TPD52L1: variants seen among roughly 807,000 people sequenced by gnomAD.
TPD52L1 encodes tumor protein D53.
In TPD52L1, 18 loss-of-function variants were observed where a neutral mutation model predicts 28.7. The observed-to-expected ratio is 0.63, with a 90% CI of 0.43 to 0.93. The LOEUF (loss-of-function observed/expected upper bound fraction) is 0.93, where lower values mean the gene tolerates loss of function less well. TPD52L1 is among the 40% of genes least tolerant of loss of function. TPD52L1 has a pLI of 0.00. For synonymous variants in TPD52L1, 75 were observed against 88.8 expected (o/e 0.84, Z 0.88); for missense variants, 203 against 254.8 (o/e 0.80, Z 1.39).
intron 1 of TPD52L1, among the ~76,000 whole-genome samples, chr6:125,170,798 C>A (rs1791249867): frequency 6.6e-6 from 1 of 152,046 alleles, no homozygotes; most frequent in Admixed American, 6.5e-5. Flanking sequence ...TTTAGAGAGC[C>A]CCACTTTAGC....
At chr6:125,176,765 G>T (rs79129828) in intron 1 of TPD52L1, among the ~76,000 whole-genome samples, 1 of 152,166 alleles carries the variant, frequency 6.6e-6, no homozygotes, top group Non-Finnish European at 1.5e-5. Flanking sequence ...GCCTGATGTG[G>T]TGACTCACAC....
chr6:125,235,260 G>T lies in TPD52L1; in HGVS notation c.284+5994G>T, dbSNP rs895809614. On this transcript the variant is annotated intron_variant, in intron 3 of 6. Coordinates refer to ENST00000534000, the MANE Select transcript of TPD52L1 (RefSeq NM_003287.4). ...AAGTTCAATCAGGATGCAGCATAAG[G>T]TTACAGGGCCTGTGCAATACGTAAC... 4.6e-5 allele frequency among the ~76,000 whole-genome samples: 7 copies of T among 151,978 alleles called. No individual in the cohort carries two copies. The East Asian group carries it at 1.4e-3, about 29-fold the overall frequency.
At chr6:125,180,876 T>TG (rs1487298519) in intron 1 of TPD52L1, among the ~76,000 whole-genome samples, 1 of 152,178 alleles carries the variant, frequency 6.6e-6, no homozygotes, top group African/African-American at 2.4e-5. Flanking sequence ...CCAAATGACT[T>TG]GCTATTATCA....
intron 3 of TPD52L1, among the ~76,000 whole-genome samples, chr6:125,241,637 T>A (rs527967140): frequency 2.6e-5 from 4 of 152,012 alleles, no homozygotes; most frequent in Admixed American, 2.0e-4. Context: ...TAGCCTTGAA[T>A]GTTTGTATTT....
At chr6:125,252,859 A>G (rs2115048511) in intron 4 of TPD52L1, 1 of 152,232 alleles carries the variant, frequency 6.6e-6, no homozygotes, top group East Asian at 1.9e-4. Flanking sequence ...CCCTCAGTGG[A>G]TATTATGAGG....
At chr6:125,203,573 T>C (rs1793929788) in intron 1 of TPD52L1, 1 of 946,182 alleles carries the variant, frequency 1.1e-6, no homozygotes, top group South Asian at 4.9e-5. Context: ...TCATTGAAAG[T>C]AGAGCTGTTG....
chr6:125,239,127 G>A (rs1055267330), intron 3 of TPD52L1, among the ~76,000 whole-genome samples: 1 of 152,040 alleles, frequency 6.6e-6, no homozygotes, highest in Admixed American at 6.6e-5. Flanking sequence ...CCACATCAAC[G>A]CCAATGTCTA....
intron 1 of TPD52L1, among the ~76,000 whole-genome samples, chr6:125,158,569 AATGAGG>A (rs1362978989): frequency 8.7e-6 from 1 of 114,654 alleles, no homozygotes; most frequent in African/African-American, 5.2e-5. Context: ...AAAGAAAATA[AATGAGG>A]ATAAGAAGAG....
rs751443494 is a variant in TPD52L1, at chr6:125,262,923, A to G, written c.576A>G (p.Gly192=). 1.2e-6 allele frequency: 2 copies of G among 1,614,184 alleles called. No homozygotes were observed. Among genetic ancestry groups the G allele is most frequent in the Non-Finnish European group, 8.5e-7 (1 of 1,180,018 alleles). ...ATGCCAGTGCCCAGAGCTTGGCAGG[A>G]GGCTCCCGGCGGACCAAGGAGGAGG... ...TAHASAQSLA[G]GSRRTKEEEL... The change falls in exon 7 of 7, where the codon GGA becomes GGG. Residue 192 remains glycine, a synonymous_variant. Transcript: ENST00000534000.
chr6:125,204,440 T>G (rs1793980630), intron 1 of TPD52L1, among the ~76,000 whole-genome samples: 1 of 152,178 alleles, frequency 6.6e-6, no homozygotes, highest in South Asian at 2.1e-4. Flanking sequence ...TATTCAACAC[T>G]TTAAGAAGAA....
In TPD52L1 at chr6:125,264,273, A is replaced by T. The variant is rs971129311; in HGVS notation, c.*1311A>T. 1 of 152,246 alleles carries T rather than the reference A, an allele frequency of 6.6e-6. No individual in the cohort carries two copies. The highest frequency in any genetic ancestry group is 2.4e-5 in the African/African-American group (1 of 41,468). 9.4% of individuals were successfully genotyped at this position (152,246 alleles called of 1,614,324 possible). A position where few individuals can be genotyped will look rare whatever the true frequency, so the allele number is the denominator to read the frequency against. ...ACTGAATAGACATCCAACCTAAAAAAAATCACTATTTAAAAAGCCCATATA... is the reference window on the plus strand; with the variant it reads ...ACTGAATAGACATCCAACCTAAAAATAATCACTATTTAAAAAGCCCATATA... On this transcript the variant is annotated 3_prime_UTR_variant, in exon 7 of 7. Coordinates refer to ENST00000534000, the MANE Select transcript of TPD52L1 (RefSeq NM_003287.4).
intron 3 of TPD52L1, among the ~76,000 whole-genome samples, chr6:125,230,333 G>A (rs1438509645): frequency 6.6e-6 from 1 of 151,960 alleles, no homozygotes; most frequent in African/African-American, 2.4e-5. Flanking sequence ...TTTGTGTATT[G>A]GGGGTTAGGG....
At chr6:125,164,880 T>C (rs1790773026) in intron 1 of TPD52L1, among the ~76,000 whole-genome samples, 1 of 151,926 alleles carries the variant, frequency 6.6e-6, no homozygotes, top group Non-Finnish European at 1.5e-5. Context: ...ATGCTCTCCA[T>C]GCAGGCAGAG....
rs1446358338 is a variant in TPD52L1, at chr6:125,208,836, A to G, written c.20-11242A>G. 3 of 871,156 alleles carry G rather than the reference A, an allele frequency of 3.4e-6. No homozygotes were observed. In the African/African-American group the frequency reaches 5.5e-5, roughly 16 times the overall value. 54.0% of individuals were successfully genotyped at this position (871,156 alleles called of 1,614,324 possible). A position where few individuals can be genotyped will look rare whatever the true frequency, so the allele number is the denominator to read the frequency against. On this transcript the variant is annotated intron_variant, in intron 1 of 6. Coordinates refer to ENST00000534000, the MANE Select transcript of TPD52L1 (RefSeq NM_003287.4). ...TGCTGAGAGAGTGCTGTGTGGTGACAGCACTCCCAGGGAGAGTCTGGGTCC... is the reference window on the plus strand; with the variant it reads ...TGCTGAGAGAGTGCTGTGTGGTGACGGCACTCCCAGGGAGAGTCTGGGTCC...
chr6:125,226,284 C>G (rs1276434092), intron 2 of TPD52L1, among the ~76,000 whole-genome samples: 2 of 152,180 alleles, frequency 1.3e-5, no homozygotes, highest in Admixed American at 6.6e-5. Flanking sequence ...TTAGAGGTCT[C>G]TTCCCCATAT....
At chr6:125,164,000 T>C (rs544007665) in intron 1 of TPD52L1, among the ~76,000 whole-genome samples, 2 of 151,820 alleles carry the variant, frequency 1.3e-5, no homozygotes, top group Admixed American at 6.6e-5. Flanking sequence ...GTTTTACAGA[T>C]GATGAAACTG....
At chr6:125,216,527 G>GTATATA (rs1331931374) in intron 1 of TPD52L1, among the ~76,000 whole-genome samples, 5 of 40,174 alleles carry the variant, frequency 1.2e-4, no homozygotes, top group African/African-American at 2.8e-4. Flanking sequence ...CAGTATGTGT[G>GTATATA]TGTATATATA....
intron 1 of TPD52L1, among the ~76,000 whole-genome samples, chr6:125,200,298 C>T (rs937928634): frequency 6.6e-6 from 1 of 152,120 alleles, no homozygotes; most frequent in Non-Finnish European, 1.5e-5. Flanking sequence ...TATAATTGCA[C>T]TAGCCACAAA....
intron 1 of TPD52L1, among the ~76,000 whole-genome samples, chr6:125,211,357 G>C (rs917901553): frequency 1.3e-5 from 2 of 151,852 alleles, no homozygotes; most frequent in Non-Finnish European, 2.9e-5. Flanking sequence ...TTATATATCT[G>C]TAAGAAAGAA....
Sources: allele counts gnomAD v4.1 joint callset (sites outside exome capture counted in the v4.1 genomes callset), GRCh38; gene constraint gnomAD v4.1.1; transcripts MANE v1.5; gene names NCBI Gene and HGNC (gene_info 2026-07-23, HGNC 2026-07-21).